Variants in ROS1 observed in about 807,000 individuals in gnomAD.
ROS1 encodes the protein ROS proto-oncogene 1, receptor tyrosine kinase, also known as proto-oncogene tyrosine-protein kinase ROS.
In ROS1, 263 loss-of-function variants were observed where a neutral mutation model predicts 273.5. The observed-to-expected ratio is 0.96, with a 90% CI of 0.87 to 1.06. The LOEUF is 1.06. Ranked by LOEUF, ROS1 falls within the 50% of genes least tolerant of loss-of-function variation. ROS1 has a pLI of 0.00. For missense variants in ROS1, 2,833 were observed against 2,751.1 expected, an observed-to-expected ratio of 1.03 and a Z score of -0.67; for synonymous variants, 1,008 against 954.1, an observed-to-expected ratio of 1.06 and a Z score of -1.04.
rs1773473229 is a variant in ROS1, at chr6:117,396,214, G to T, written c.857C>A (p.Ser286Tyr). 2 of 1,613,554 alleles carry T rather than the reference G, an allele frequency of 1.2e-6. No individual in the cohort carries two copies. Among genetic ancestry groups the T allele is most frequent in the African/African-American group, 1.3e-5 (1 of 74,872 alleles). The change falls in exon 9 of 44, where the codon TCT becomes TAT. Residue 286 changes from serine to tyrosine, a missense_variant. Transcript: ENST00000368507. ...TGCTGAAGATGAAGTGGTAATACTA[G>T]ATTCTGCTTCTGGACCCTCACCAAC... is the stretch of plus-strand genomic sequence containing the variant. ...NEVGEGPEAE[S>Y]SITTSSSAVQ...
chr6:117,422,019 C>T (rs1775794822), intron 1 of ROS1, among the ~76,000 whole-genome samples: 1 of 152,008 alleles, frequency 6.6e-6, no homozygotes, highest in Admixed American at 6.6e-5. Flanking sequence ...TTAAGTAAAC[C>T]TTTCTGTTTT....
At chr6:117,331,993 C>T (rs1680482057) in intron 32 of ROS1, among the ~76,000 whole-genome samples, 1 of 151,962 alleles carries the variant, frequency 6.6e-6, no homozygotes, top group African/African-American at 2.4e-5. Flanking sequence ...ATAACAATAC[C>T]TACCTTAAAT....
chr6:117,382,006 A>T (rs1772194959), intron 17 of ROS1, among the ~76,000 whole-genome samples: 1 of 152,186 alleles, frequency 6.6e-6, no homozygotes, highest in Non-Finnish European at 1.5e-5. Context: ...AGAGTACTCA[A>T]ACAACCATAT....
intron 39 of ROS1, among the ~76,000 whole-genome samples, chr6:117,314,160 T>C (rs975206986): frequency 6.6e-6 from 1 of 151,990 alleles, no homozygotes; most frequent in African/African-American, 2.4e-5. Context: ...TTGTTTAAGA[T>C]GAGGGATTGA....
chr6:117,396,162 G>A, intron 9 of ROS1, 26 bp downstream of exon 9: 1 of 1,593,010 alleles, frequency 6.3e-7, no homozygotes, highest in East Asian at 2.2e-5. Context: ...TTCCTGTGTA[G>A]CTAAAGGAAG....
intron 27 of ROS1, among the ~76,000 whole-genome samples, chr6:117,349,885 A>G (rs1778676073): frequency 6.6e-6 from 1 of 151,946 alleles, no homozygotes; most frequent in African/African-American, 2.4e-5. Context: ...CCTCTTTTCT[A>G]TCCCTTGTGT....
chr6:117,357,568 C>G (rs2128645276), intron 25 of ROS1, among the ~76,000 whole-genome samples: 1 of 152,248 alleles, frequency 6.6e-6, no homozygotes. Flanking sequence ...CTATTGTTTC[C>G]TTTTAGGTAA....
At position 117,425,650 on chromosome 6, in the gene ROS1, T is replaced by G. The variant is rs1489703242; in HGVS notation, c.7A>C (p.Asn3His). MK[N>H]IYCLIPKLVN... Reference sequence around the variant, plus strand: ...AGCTTCGGAATAAGACAGTAAATGTTCTTCATCACTTCACCAATGGCAGAT... The same window carrying G: ...AGCTTCGGAATAAGACAGTAAATGTGCTTCATCACTTCACCAATGGCAGAT... Residue 3 changes from asparagine (N) to histidine (H), a missense_variant, in exon 1 of 44, where the codon AAC becomes CAC. Transcript: ENST00000368507. 2 of 1,611,080 alleles carry G rather than the reference T, an allele frequency of 1.2e-6. No individual in the cohort carries two copies. Among genetic ancestry groups the G allele is most frequent in the Admixed American group, 3.4e-5 (2 of 59,454 alleles).
intron 5 of ROS1, among the ~76,000 whole-genome samples, chr6:117,405,863 T>C (rs1405526655): frequency 6.6e-6 from 1 of 152,166 alleles, no homozygotes; most frequent in Non-Finnish European, 1.5e-5. Context: ...AGCAAGTATG[T>C]AAACTTTGTG....
chr6:117,398,177 C>A (rs1442702660), intron 7 of ROS1, among the ~76,000 whole-genome samples: 1 of 152,016 alleles, frequency 6.6e-6, no homozygotes, highest in Non-Finnish European at 1.5e-5. Flanking sequence ...AATTTTAAGT[C>A]ATTAGGGTCA....
intron 18 of ROS1, among the ~76,000 whole-genome samples, chr6:117,369,037 A>C (rs1417134281): frequency 6.6e-6 from 1 of 152,134 alleles, no homozygotes; most frequent in Non-Finnish European, 1.5e-5. Flanking sequence ...CTTGCATTAT[A>C]TTTGTATTGG....
chr6:117,300,970 T>G lies in ROS1; in HGVS notation c.6715+4A>C. On this transcript the variant is annotated splice_donor_region_variant and intron_variant, in intron 43 of 43. Transcript: ENST00000368507. ...ACTAGAAAATTCTGAAGAATCAAAC[T>G]TACCTTCAAAGCTTTCATTTATGAC... is the stretch of plus-strand genomic sequence containing the variant. The G allele has an allele frequency of 6.5e-7, 1 of 1,550,266 alleles. No homozygotes were observed. The highest frequency in any genetic ancestry group is 8.7e-7 in the Non-Finnish European group (1 of 1,153,394).
chr6:117,341,063 T>G, intron 31 of ROS1, 72 bp downstream of exon 31: 1 of 942,998 alleles, frequency 1.1e-6, no homozygotes, highest in Non-Finnish European at 1.6e-6. Flanking sequence ...CATGAGCATG[T>G]TCTAGATGCA....
intron 35 of ROS1, among the ~76,000 whole-genome samples, chr6:117,322,051 T>C (rs1776325752): frequency 6.6e-6 from 1 of 152,072 alleles, no homozygotes; most frequent in Non-Finnish European, 1.5e-5. Flanking sequence ...AATACAATTA[T>C]GTCAATAGGA....
At chr6:117,415,225 G>T (rs935054279) in intron 3 of ROS1, among the ~76,000 whole-genome samples, 5 of 152,294 alleles carry the variant, frequency 3.3e-5, no homozygotes, top group Middle Eastern at 6.8e-3. Context: ...GTACCTTTTG[G>T]TAACTTCCAT....
intron 16 of ROS1, among the ~76,000 whole-genome samples, chr6:117,384,495 G>A (rs1345214299): frequency 6.6e-6 from 1 of 152,142 alleles, no homozygotes; most frequent in Non-Finnish European, 1.5e-5. Flanking sequence ...TTCTTTCAAG[G>A]ATTTCAACGC....
chr6:117,404,750 G>A (rs895664842), intron 5 of ROS1, among the ~76,000 whole-genome samples: 5 of 152,108 alleles, frequency 3.3e-5, no homozygotes, highest in South Asian at 2.1e-4. Context: ...CTTACAGGCG[G>A]GGGGAGCCAA....
At chr6:117,337,437 A>C in intron 31 of ROS1, 97 bp from the exon 32 acceptor site, 1 of 888,530 alleles carries the variant, frequency 1.1e-6, no homozygotes, top group South Asian at 1.9e-5. Flanking sequence ...TTAAAATTTA[A>C]GCATTCTTTT....
chr6:117,408,031 T>A (rs954806894), intron 5 of ROS1, among the ~76,000 whole-genome samples: 1 of 152,054 alleles, frequency 6.6e-6, no homozygotes, highest in Non-Finnish European at 1.5e-5. Flanking sequence ...TGAAACTGGA[T>A]CCCTTCCTTA....
Sources: allele counts gnomAD v4.1 joint callset (sites outside exome capture counted in the v4.1 genomes callset), GRCh38; gene constraint gnomAD v4.1.1; transcripts MANE v1.5; gene names NCBI Gene and HGNC (gene_info 2026-07-23, HGNC 2026-07-21).